The following LBHD1 variants were observed in gnomAD, a reference collection of about 807,000 sequenced individuals.
The protein encoded by LBHD1 is LBH domain-containing protein 1.
A neutral mutation model predicts 31.1 loss-of-function variants in LBHD1; 28 were observed. The observed-to-expected ratio is 0.90, with a 90% CI of 0.67 to 1.24. LBHD1 has a LOEUF of 1.24. Ranked by LOEUF, LBHD1 falls within the 50% of genes most tolerant of loss-of-function variation. The pLI is 0.00. For synonymous variants in LBHD1, 105 were observed against 116.5 expected (o/e 0.90, Z 0.63); for missense variants, 350 against 323.0 (o/e 1.08, Z -0.64).
chr11:62,666,418 G>T lies in LBHD1; in HGVS notation c.538+1105C>A. The T allele has an allele frequency of 1.9e-6, 3 of 1,611,036 alleles. No homozygotes were observed. In the South Asian group the frequency reaches 3.3e-5, roughly 18 times the overall value. On this transcript the variant is annotated intron_variant, in intron 4 of 6. Coordinates refer to ENST00000354588, the MANE Select transcript of LBHD1 (RefSeq NM_024099.5). ...CAGGCTCACTGGCTGATAGTTGCCT[G>T]GCGGACCGCTGTCTCTGGGATCGGC...
At chr11:62,663,973 T>C (rs1944721466) in intron 5 of LBHD1, among the ~76,000 whole-genome samples, 2 of 146,270 alleles carry the variant, frequency 1.4e-5, no homozygotes, top group South Asian at 4.3e-4. Flanking sequence ...CTCGGGAGGC[T>C]GAGGCAAGAG....
intron 4 of LBHD1, chr11:62,666,841 G>A: frequency 1.2e-6 from 2 of 1,614,198 alleles, no homozygotes; most frequent in South Asian, 1.1e-5. Flanking sequence ...CTGTTGCCCG[G>A]GGAGGTCTGC....
Position 62,672,208 on chromosome 11 carries a change from C to G in LBHD1, c.-655G>C. On this transcript the variant is annotated 5_prime_UTR_variant, in exon 1 of 7. Coordinates refer to ENST00000354588, the MANE Select transcript of LBHD1 (RefSeq NM_024099.5). ...TCGTGGGCCCAGCGGAGAGTCCGGACCGAGATACCATGCCAGGACTCTCCG... is the reference window on the plus strand; with the variant it reads ...TCGTGGGCCCAGCGGAGAGTCCGGAGCGAGATACCATGCCAGGACTCTCCG... The G allele has an allele frequency of 7.7e-7, 1 of 1,305,362 alleles. No individual in the cohort carries two copies. Among genetic ancestry groups the G allele is most frequent in the South Asian group, 1.4e-5 (1 of 71,588 alleles). The allele number at this position is 1,305,362 out of a possible 1,614,324, so 80.9% of individuals were successfully genotyped here. A position where few individuals can be genotyped will look rare whatever the true frequency, so the allele number is the denominator to read the frequency against.
In LBHD1 at chr11:62,663,075, A is replaced by G. The variant is rs748722003; in HGVS notation, c.*54T>C. 1 of 1,607,980 alleles carries G rather than the reference A, an allele frequency of 6.2e-7. No homozygotes were observed. The highest frequency in any genetic ancestry group is 1.7e-5 in the Admixed American group (1 of 59,874). Reference sequence around the variant, plus strand: ...TTAGCTCTCATCTTCAAGGTCCTTCATTTCTACATCCTGGGGGGCTTTTGT... The same window carrying G: ...TTAGCTCTCATCTTCAAGGTCCTTCGTTTCTACATCCTGGGGGGCTTTTGT... On this transcript the variant is annotated 3_prime_UTR_variant, in exon 7 of 7. Coordinates refer to ENST00000354588, the MANE Select transcript of LBHD1 (RefSeq NM_024099.5).
Position 62,672,125 on chromosome 11 carries a change from G to A in LBHD1, c.-572C>T, listed in dbSNP as rs1057523079. On this transcript the variant is annotated 5_prime_UTR_variant, in exon 1 of 7. Transcript: ENST00000354588. ...GGGAGGTCACCGTGAGACCGGACTT[G>A]CCTCCGTGGGCGCCGGACCTTGGCT... 4.1e-5 allele frequency: 64 copies of A among 1,559,276 alleles called. No individual in the cohort carries two copies. Among genetic ancestry groups the A allele is most frequent in the Non-Finnish European group, 5.5e-5 (63 of 1,153,730 alleles).
At chr11:62,664,324 T>C (rs1305595942) in intron 5 of LBHD1, among the ~76,000 whole-genome samples, 1 of 129,718 alleles carries the variant, frequency 7.7e-6, no homozygotes. Flanking sequence ...TTTCCTGATA[T>C]TCTTTTTTTT....
chr11:62,672,208 C>A lies in LBHD1; in HGVS notation c.-655G>T. On this transcript the variant is annotated 5_prime_UTR_variant, in exon 1 of 7. Coordinates refer to ENST00000354588, the MANE Select transcript of LBHD1 (RefSeq NM_024099.5). ...TCGTGGGCCCAGCGGAGAGTCCGGA[C>A]CGAGATACCATGCCAGGACTCTCCG... The A allele has an allele frequency of 7.7e-7, 1 of 1,305,352 alleles. No homozygotes were observed. The highest frequency in any genetic ancestry group is 2.5e-5 in the East Asian group (1 of 39,872). 80.9% of individuals were successfully genotyped at this position (1,305,352 alleles called of 1,614,324 possible).
intron 1 of LBHD1, chr11:62,671,275 T>C: frequency 1.9e-6 from 1 of 540,250 alleles, no homozygotes; most frequent in Non-Finnish European, 3.3e-6. Flanking sequence ...CTTTGAGTGT[T>C]TGTTCCAGAG....
Position 62,671,554 on chromosome 11 carries a change from T to C in LBHD1, c.-11+10A>G, listed in dbSNP as rs551970132. The C allele has an allele frequency of 3.1e-5, 44 of 1,428,868 alleles. No homozygotes were observed. The African/African-American group carries it at 4.0e-4, about 13-fold the overall frequency. 88.5% of individuals were successfully genotyped at this position (1,428,868 alleles called of 1,614,324 possible). A position where few individuals can be genotyped will look rare whatever the true frequency, so the allele number is the denominator to read the frequency against. ...GCACTTCTTGGACACCTCAACCCCC[T>C]CAGCTAAACCTGAGATCCAAGCGCT... On this transcript the variant is annotated intron_variant, in intron 1 of 6. Transcript: ENST00000354588.
At position 62,672,000 on chromosome 11, in the gene LBHD1, C is replaced by G; in HGVS notation, c.-447G>C. ...GGAGCAGGGAGGAGGCGGCCAGGAC[C>G]CAGCAGCTATTGCTGGCCACTCTGC... On this transcript the variant is annotated 5_prime_UTR_variant, in exon 1 of 7. Coordinates refer to ENST00000354588, the MANE Select transcript of LBHD1 (RefSeq NM_024099.5). 1 of 1,613,888 alleles carries G rather than the reference C, an allele frequency of 6.2e-7. No homozygotes were observed.
At chr11:62,666,943 A>G (rs772087678) in intron 4 of LBHD1, 2 of 1,614,096 alleles carry the variant, frequency 1.2e-6, no homozygotes, top group African/African-American at 2.7e-5. Context: ...CTGATGTGCG[A>G]CTGCCCTGCC....
At chr11:62,663,848 G>A (rs1944718862) in intron 5 of LBHD1, among the ~76,000 whole-genome samples, 1 of 151,564 alleles carries the variant, frequency 6.6e-6, no homozygotes, top group Non-Finnish European at 1.5e-5. Flanking sequence ...TGAGGTGGGC[G>A]GATCACCTGA....
At chr11:62,666,689 G>GGA in intron 4 of LBHD1, 10 of 1,614,070 alleles carry the variant, frequency 6.2e-6, no homozygotes, top group Non-Finnish European at 8.5e-6. Flanking sequence ...TAGCCTCCTG[G>GGA]AGGGTGGCCC....
At chr11:62,667,098 G>A in intron 4 of LBHD1, 1 of 1,513,408 alleles carries the variant, frequency 6.6e-7, no homozygotes, top group Non-Finnish European at 8.9e-7. Flanking sequence ...GGCAAGGAGA[G>A]GGCTGAAGAA....
chr11:62,669,644 G>C lies in LBHD1; in HGVS notation c.310C>G (p.Pro104Ala). Reference sequence around the variant, plus strand: ...CTGAATGAGCCACCTCCCTCACCTGGCTCTTCACTTTGGTCTTGGAAGAAG... The same window carrying C: ...CTGAATGAGCCACCTCCCTCACCTGCCTCTTCACTTTGGTCTTGGAAGAAG... ...EAFFQDQSEEPGWAWSPQDPR... is the reference protein window; with the variant it reads ...EAFFQDQSEEAGWAWSPQDPR... The change falls in exon 3 of 7, where the codon CCA becomes GCA. Residue 104 changes from proline to alanine, a missense_variant. Coordinates refer to ENST00000354588, the MANE Select transcript of LBHD1 (RefSeq NM_024099.5). 6.2e-7 allele frequency: 1 copy of C among 1,612,310 alleles called. No homozygotes were observed. Among genetic ancestry groups the C allele is most frequent in the Non-Finnish European group, 8.5e-7 (1 of 1,179,114 alleles).
intron 3 of LBHD1, among the ~76,000 whole-genome samples, chr11:62,668,844 A>G (rs1243160258): frequency 6.6e-6 from 1 of 151,960 alleles, no homozygotes; most frequent in Non-Finnish European, 1.5e-5. Flanking sequence ...ACAAAAAAAC[A>G]GTACACAGAG....
intron 3 of LBHD1, among the ~76,000 whole-genome samples, chr11:62,669,188 G>A (rs935499540): frequency 6.6e-6 from 1 of 152,020 alleles, no homozygotes; most frequent in African/African-American, 2.4e-5. Context: ...CCAAAGTGCT[G>A]GGATTACAGG....
chr11:62,671,369 A>G, intron 1 of LBHD1, 195 bp downstream of exon 1: 1 of 1,283,852 alleles, frequency 7.8e-7, no homozygotes, highest in Non-Finnish European at 1.0e-6. Context: ...GCAGGAAACC[A>G]CAGAGCACAG....
In LBHD1 at chr11:62,669,884, G is replaced by C; in HGVS notation, c.148C>G (p.Gln50Glu). The change falls in exon 2 of 7, where the codon CAG becomes GAG. Residue 50 changes from glutamine (Q) to glutamate (E), a missense_variant and splice_region_variant. Physicochemically the swap from Gln to Glu is conservative, Grantham distance 29. Transcript: ENST00000354588. ...ACACAGGCTGAGGAAGTACTAACCT[G>C]AATGTGCTGGTGACCTTCAACCTTG... ...IGKVEGHQHI[Q>E]DFSQKSHLPS... 1.2e-6 allele frequency: 2 copies of C among 1,614,250 alleles called. No individual in the cohort carries two copies. Among genetic ancestry groups the C allele is most frequent in the South Asian group, 2.2e-5 (2 of 91,084 alleles).
Sources: gnomAD v4.1 joint callset for allele counts (sites outside exome capture counted in the v4.1 genomes callset) on GRCh38, gnomAD v4.1.1 for gene constraint, MANE v1.5 for transcripts, NCBI Gene and HGNC (gene_info 2026-07-23, HGNC 2026-07-21) for gene names.